Variants in KIF13A observed in about 807,000 individuals in gnomAD.
KIF13A encodes the protein kinesin family member 13A, also known as kinesin-like protein KIF13A.
In KIF13A, 79 loss-of-function variants were observed where a neutral mutation model predicts 212.2. The ratio of observed to expected loss-of-function variants is 0.37; its 90% CI spans 0.31 to 0.45. KIF13A has a LOEUF of 0.45. Ranked by LOEUF, KIF13A falls within the 20% of genes least tolerant of loss-of-function variation. The probability of loss-of-function intolerance (pLI) is 1.00; values close to 1 mark genes in which losing one functional copy is unlikely to be tolerated. For missense variants in KIF13A, 1,901 were observed against 2,209.0 expected, an observed-to-expected ratio of 0.86 and a Z score of 2.79; for synonymous variants, 789 against 808.6, an observed-to-expected ratio of 0.98 and a Z score of 0.41.
At chr6:17,958,876 CTTTTTT>C (rs398000716) in intron 2 of KIF13A, among the ~76,000 whole-genome samples, 6 of 83,082 alleles carry the variant, frequency 7.2e-5, no homozygotes, top group Non-Finnish European at 1.1e-4. Flanking sequence ...TTTTCTTTTT[CTTTTTT>C]TTTTTTTTTT....
intron 2 of KIF13A, among the ~76,000 whole-genome samples, chr6:17,935,245 G>A (rs1039697645): frequency 6.6e-6 from 1 of 152,114 alleles, no homozygotes; most frequent in African/African-American, 2.4e-5. Context: ...CACTGTCCTT[G>A]GCAAAGAATA....
chr6:17,958,154 C>A (rs1370068830), intron 2 of KIF13A, among the ~76,000 whole-genome samples: 1 of 152,200 alleles, frequency 6.6e-6, no homozygotes, highest in Non-Finnish European at 1.5e-5. Context: ...CACAATTATA[C>A]CTCAGGCACA....
At chr6:17,808,678 C>T (rs1763183139) in intron 18 of KIF13A, 90 bp downstream of exon 18, 7 of 1,242,706 alleles carry the variant, frequency 5.6e-6, no homozygotes, top group East Asian at 2.5e-5. Flanking sequence ...AGGATCTCCT[C>T]AGGCATGTTT....
rs1771561677 is a variant in KIF13A, at chr6:17,886,605, A to G, written c.159+11563T>C. Among the ~76,000 whole-genome samples the G allele has an allele frequency of 6.6e-6, 1 of 152,222 alleles. No homozygotes were observed. The highest frequency in any genetic ancestry group is 2.1e-4 in the South Asian group (1 of 4,832). On this transcript the variant is annotated intron_variant, in intron 3 of 38. Transcript: ENST00000259711. The surrounding 1 kb of genome is among the most constrained non-coding windows in gnomAD (Gnocchi z 5.6). Reference sequence around the variant, plus strand: ...GTACTCCGTCAGTGGTACTGTAGACATCTAAAGGCACAGAGTTCCAGTGAG... The same window carrying G: ...GTACTCCGTCAGTGGTACTGTAGACGTCTAAAGGCACAGAGTTCCAGTGAG...
Position 17,785,731 on chromosome 6 carries a change from A to T in KIF13A, c.3362-90T>A. 1 of 1,371,310 alleles carries T rather than the reference A, an allele frequency of 7.3e-7. No individual in the cohort carries two copies. The highest frequency in any genetic ancestry group is 1.0e-6 in the Non-Finnish European group (1 of 992,796). The allele number at this position is 1,371,310 out of a possible 1,614,324, so 84.9% of individuals were successfully genotyped here. A position where few individuals can be genotyped will look rare whatever the true frequency, so the allele number is the denominator to read the frequency against. ...GAATAGATTTCAGCCTGGGCAACAT[A>T]GTGAGACCCCATCTCTACCAAAAAA... On this transcript the variant is annotated intron_variant, in intron 27 of 38. Transcript: ENST00000259711. This position sits in a 1 kb window ranked among gnomAD's most constrained non-coding sequence, Gnocchi z 5.8.
Position 17,837,041 on chromosome 6 carries a change from G to A in KIF13A, c.992C>T (p.Pro331Leu), listed in dbSNP as rs1562037576. 6.2e-7 allele frequency: 1 copy of A among 1,613,898 alleles called. No homozygotes were observed. The highest frequency in any genetic ancestry group is 2.2e-5 in the East Asian group (1 of 44,868). ...SQTSMIATIS[P>L]AADNYEETLS... ...GGTCTCTTCATAGTTGTCTGCGGCTGGGCTGATTGTGGCTATCATAGAGGT... is the reference window on the plus strand; with the variant it reads ...GGTCTCTTCATAGTTGTCTGCGGCTAGGCTGATTGTGGCTATCATAGAGGT... Residue 331 changes from proline (P) to leucine (L), a missense_variant, in exon 11 of 39, where the codon CCA (proline) becomes CTA (leucine). This residue lies in a region of KIF13A where 506 missense variants were observed against 637.4 expected (regional missense o/e 0.79). Coordinates refer to ENST00000259711, the MANE Select transcript of KIF13A (RefSeq NM_022113.6). The surrounding 1 kb of genome is among the most constrained non-coding windows in gnomAD (Gnocchi z 5.4).
rs1245383042 is a variant in KIF13A, at chr6:17,883,951, A to C, written c.160-10514T>G. 5.3e-5 allele frequency among the ~76,000 whole-genome samples: 8 copies of C among 152,116 alleles called. No homozygotes were observed. Among genetic ancestry groups the C allele is most frequent in the Non-Finnish European group, 1.2e-4 (8 of 68,026 alleles). On this transcript the variant is annotated intron_variant, in intron 3 of 38. Coordinates refer to ENST00000259711, the MANE Select transcript of KIF13A (RefSeq NM_022113.6). This position sits in a 1 kb window ranked among gnomAD's most constrained non-coding sequence, Gnocchi z 4.8. The stretch of plus-strand genomic sequence containing the variant: ...GCTAAAAGGAAATAATAATATTAAC[A>C]AAAAAAGAGAAGGAAATCATAATAA...
intron 38 of KIF13A, among the ~76,000 whole-genome samples, chr6:17,767,238 G>C (rs1343120395): frequency 6.6e-6 from 1 of 150,848 alleles, no homozygotes; most frequent in African/African-American, 2.4e-5. Context: ...TACTTGTCAT[G>C]TTTAGACTCA....
Position 17,956,309 on chromosome 6 carries a change from A to T in KIF13A, c.146+30745T>A, listed in dbSNP as rs537952755. On this transcript the variant is annotated intron_variant, in intron 2 of 38. Coordinates refer to ENST00000259711, the MANE Select transcript of KIF13A (RefSeq NM_022113.6). Reference sequence around the variant, plus strand: ...AACTACTGCTCTGTTATTAGACTCAACAATAGGTCCATTACAAAGAAGGTC... The same window carrying T: ...AACTACTGCTCTGTTATTAGACTCATCAATAGGTCCATTACAAAGAAGGTC... Among the ~76,000 whole-genome samples, 4 of 152,330 alleles carry T rather than the reference A, an allele frequency of 2.6e-5. No individual in the cohort carries two copies. In the South Asian group the frequency reaches 8.3e-4, roughly 32 times the overall value.
chr6:17,919,630 C>T lies in KIF13A; in HGVS notation c.147-21450G>A, dbSNP rs543463001. On this transcript the variant is annotated intron_variant, in intron 2 of 38. Coordinates refer to ENST00000259711, the MANE Select transcript of KIF13A (RefSeq NM_022113.6). This position sits in a 1 kb window ranked among gnomAD's most constrained non-coding sequence, Gnocchi z 4.1. ...TGCACTCAGTGGCTGCTTTACCTACCCTGATTTGACCTGTTCTATTATCTA... is the reference window on the plus strand; with the variant it reads ...TGCACTCAGTGGCTGCTTTACCTACTCTGATTTGACCTGTTCTATTATCTA... Among the ~76,000 whole-genome samples, 304 of 152,250 alleles carry T rather than the reference C, an allele frequency of 2.0e-3. No individual in the cohort carries two copies. The highest frequency in any genetic ancestry group is 7.0e-3 in the African/African-American group (289 of 41,536).
At chr6:17,911,057 C>T (rs1265614950) in intron 2 of KIF13A, among the ~76,000 whole-genome samples, 2 of 152,182 alleles carry the variant, frequency 1.3e-5, no homozygotes, top group Admixed American at 6.5e-5. Context: ...GCCACCGCGC[C>T]CAGCCTAAAT....
chr6:17,940,111 T>A (rs147871260), intron 2 of KIF13A, among the ~76,000 whole-genome samples: 80 of 149,094 alleles, frequency 5.4e-4, no homozygotes, highest in African/African-American at 1.8e-3. Context: ...CATGGCAACA[T>A]CGGGAATTTA....
Position 17,850,508 on chromosome 6 carries a change from G to T in KIF13A, c.583-51C>A. On this transcript the variant is annotated intron_variant, in intron 7 of 38. Coordinates refer to ENST00000259711, the MANE Select transcript of KIF13A (RefSeq NM_022113.6). The surrounding 1 kb of genome is among the most constrained non-coding windows in gnomAD (Gnocchi z 6.2). Reference sequence around the variant, plus strand: ...CCATAAGCAAAAACACAAGAATGTAGTCCTGCACACCAGGTATATGTATTA... The same window carrying T: ...CCATAAGCAAAAACACAAGAATGTATTCCTGCACACCAGGTATATGTATTA... 1 of 1,544,316 alleles carries T rather than the reference G, an allele frequency of 6.5e-7. No homozygotes were observed. Among genetic ancestry groups the T allele is most frequent in the African/African-American group, 1.4e-5 (1 of 73,326 alleles).
chr6:17,808,156 C>T (rs1248696323), intron 18 of KIF13A, among the ~76,000 whole-genome samples: 4 of 152,146 alleles, frequency 2.6e-5, no homozygotes, highest in East Asian at 3.9e-4. Flanking sequence ...GGAGACTGAG[C>T]GTGCAGAACA....
At chr6:17,847,803 G>T (rs1162894783) in intron 9 of KIF13A, among the ~76,000 whole-genome samples, 1 of 152,012 alleles carries the variant, frequency 6.6e-6, no homozygotes, top group African/African-American at 2.4e-5. Flanking sequence ...CGGTGAAGTA[G>T]GTACTATTAT....
intron 4 of KIF13A, among the ~76,000 whole-genome samples, chr6:17,857,204 T>C (rs1768225451): frequency 6.6e-6 from 1 of 152,214 alleles, no homozygotes; most frequent in Non-Finnish European, 1.5e-5. Context: ...GACTGCAGGA[T>C]GAGACTCTTA....
rs149719669 is a variant in KIF13A at position 17,779,236 on chromosome 6, CATATATAT to C, written c.3940-145_3940-138del. 3.9e-3 allele frequency: 998 copies of C among 254,462 alleles called. 2 individuals carry two copies. The highest frequency in any genetic ancestry group is 5.5e-3 in the Non-Finnish European group (799 of 146,534). The allele number at this position is 254,462 out of a possible 1,614,324, so 15.8% of individuals were successfully genotyped here. On this transcript the variant is annotated intron_variant, in intron 32 of 38. Coordinates refer to ENST00000259711, the MANE Select transcript of KIF13A (RefSeq NM_022113.6). The stretch of plus-strand genomic sequence containing the variant: ...TAGATACTGATATTTTTTAAAGTAG[CATATATAT>C]ATATATATATATATTTTTTTTTTTT...
At chr6:17,818,110 G>A (rs1764110542) in intron 16 of KIF13A, among the ~76,000 whole-genome samples, 1 of 152,034 alleles carries the variant, frequency 6.6e-6, no homozygotes, top group African/African-American at 2.4e-5. Flanking sequence ...GAAGGAGAAT[G>A]TTAGACAATC....
chr6:17,825,528 G>C lies in KIF13A; in HGVS notation c.1786+240C>G, dbSNP rs193167808. Among the ~76,000 whole-genome samples, 1 of 152,112 alleles carries C rather than the reference G, an allele frequency of 6.6e-6. No individual in the cohort carries two copies. Among genetic ancestry groups the C allele is most frequent in the Non-Finnish European group, 1.5e-5 (1 of 68,028 alleles). ...GCCCGTGGAAATGTCACCACAATTC[G>C]CTTGGGAATAAGAGGTCTCAAAAAC... On this transcript the variant is annotated intron_variant, in intron 16 of 38. Transcript: ENST00000259711. This position sits in a 1 kb window ranked among gnomAD's most constrained non-coding sequence, Gnocchi z 4.5.
Sources: allele counts gnomAD v4.1 joint callset (sites outside exome capture counted in the v4.1 genomes callset), GRCh38; gene constraint gnomAD v4.1.1; regional missense constraint gnomAD v4.1.1; non-coding constraint Gnocchi (gnomAD v3.1); transcripts MANE v1.5; gene names NCBI Gene and HGNC (gene_info 2026-07-23, HGNC 2026-07-21).